GGT6: variants seen among roughly 807,000 people sequenced by gnomAD.
The protein encoded by GGT6 is gamma-glutamyltransferase 6, also known as glutathione hydrolase 6.
Under a neutral mutation model 17.0 loss-of-function variants are expected in GGT6, and 13 were observed. The ratio of observed to expected loss-of-function variants is 0.77; its 90% CI spans 0.50 to 1.22. The LOEUF (loss-of-function observed/expected upper bound fraction) is 1.22. Ranked by LOEUF, GGT6 falls within the 50% of genes most tolerant of loss-of-function variation. GGT6 has a pLI of 0.00. For missense variants in GGT6, 628 were observed against 643.7 expected (o/e 0.98, Z 0.26); for synonymous variants, 305 against 297.9 (o/e 1.02, Z -0.25).
At chr17:4,559,244 A>T in intron 3 of GGT6, 99 bp downstream of exon 3, 1 of 1,196,510 alleles carries the variant, frequency 8.4e-7, no homozygotes, top group Non-Finnish European at 1.2e-6. Context: ...AGTCCTGCTC[A>T]CTTAGCAGTC....
Position 4,559,344 on chromosome 17 carries a change from T to C in GGT6, c.456A>G (p.Leu152=). 6.5e-7 allele frequency: 1 copy of C among 1,550,358 alleles called. No homozygotes were observed. The highest frequency in any genetic ancestry group is 8.7e-7 in the Non-Finnish European group (1 of 1,145,770). ...AGTCTGGGGTCAGGGGTCACTGACC[T>C]AGCCCCGTGGCATGAGGATGCACCA... ...LAVVHPHATG[L]GAMFWGLFHD... is the part of the protein sequence containing the mutation. The change falls in exon 3 of 4, where the codon CTA becomes CTG. Residue 152 remains leucine (L), a splice_region_variant and synonymous_variant. Coordinates refer to ENST00000381550, the MANE Select transcript of GGT6 (RefSeq NM_001288702.2).
rs554077405 is a variant in GGT6 at position 4,559,350 on chromosome 17, C to T, written c.450G>A (p.Thr150=). 95 of 1,551,054 alleles carry T rather than the reference C, an allele frequency of 6.1e-5. No individual in the cohort carries two copies. The highest frequency in any genetic ancestry group is 5.0e-4 in the Middle Eastern group (3 of 5,990). ...GGGTCAGGGGTCACTGACCTAGCCCCGTGGCATGAGGATGCACCACTGCCA... is the reference window on the plus strand; with the variant it reads ...GGGTCAGGGGTCACTGACCTAGCCCTGTGGCATGAGGATGCACCACTGCCA... ...LCLAVVHPHA[T]GLGAMFWGLF... is the part of the protein sequence containing the mutation. The change falls in exon 3 of 4, where the codon ACG becomes ACA. Residue 150 remains threonine (T), a synonymous_variant. Transcript: ENST00000381550.
rs1279261459 is a variant in GGT6, at chr17:4,559,727, G to T, written c.174C>A (p.Ala58=). The T allele has an allele frequency of 6.2e-7, 1 of 1,612,346 alleles. No homozygotes were observed. The stretch of plus-strand genomic sequence containing the variant: ...GCAGCAGCAGGGCTGCCACTACACG[G>T]GCCCAGGTTCCGGGCAGCCCGCCAG... The part of the protein sequence containing the change: ...NKAGGLPGTW[A]RVVAALLLLA... The change falls in exon 2 of 4, where the codon GCC becomes GCA. Residue 58 remains alanine, a synonymous_variant. Coordinates refer to ENST00000381550, the MANE Select transcript of GGT6 (RefSeq NM_001288702.2).
rs774986374 is a variant in GGT6, at chr17:4,559,612, C to T, written c.289G>A (p.Gly97Arg). The T allele has an allele frequency of 1.7e-5, 28 of 1,613,688 alleles. 1 individual carries two copies. Among genetic ancestry groups the T allele is most frequent in the African/African-American group, 1.6e-4 (12 of 74,922 alleles). The change falls in exon 2 of 4, where the codon GGA (glycine) becomes AGA (arginine). Residue 97 changes from glycine (G) to arginine (R), a missense_variant. Gly to Arg is a moderately radical substitution (Grantham distance 125, BLOSUM62 -2). Transcript: ENST00000381550. ...TATACGCCAGGGCCGTGGGAGTGTC[C>T]GCCGGGTGGAGGGGCCACAGAGCCC... ...SLGSVAPPPG[G>R]HSHGPGVYHH...
downstream of GGT6, among the ~76,000 whole-genome samples, chr17:4,556,509 A>G (rs1036788300): frequency 6.6e-6 from 1 of 152,170 alleles, no homozygotes; most frequent in Non-Finnish European, 1.5e-5. Flanking sequence ...GCCTTTTACA[A>G]TGGCAGGGGA....
Position 4,559,447 on chromosome 17 carries a change from G to A in GGT6, c.353C>T (p.Ser118Phe). 5.1e-6 allele frequency: 8 copies of A among 1,553,478 alleles called. No homozygotes were observed. Among genetic ancestry groups the A allele is most frequent in the Non-Finnish European group, 6.1e-6 (7 of 1,147,954 alleles). ...AACAAGCAGCTCTCGGCCTAGGTGG[G>A]AGCATGTGGCTGCAGCAAGGAAGGC... is the stretch of plus-strand genomic sequence containing the variant. ...GAIISPAATC[S>F]HLGRELLVAG... is the part of the protein sequence containing the mutation. The change falls in exon 3 of 4, where the codon TCC becomes TTC. Residue 118 changes from serine to phenylalanine, a missense_variant. By Grantham distance (155) the Ser-to-Phe change is radical (BLOSUM62 -2). Transcript: ENST00000381550.
chr17:4,558,852 C>T lies in GGT6; in HGVS notation c.663G>A (p.Val221=), dbSNP rs1908391071. 5 of 1,546,920 alleles carry T rather than the reference C, an allele frequency of 3.2e-6. No homozygotes were observed. The East Asian group carries it at 7.3e-5, about 23-fold the overall frequency. ...PTTLAQEGFL[V]DTPLARALVA... ...CCAGAGCCCTTGCCAGGGGTGTGTC[C>T]ACCAGGAAGCCCTCCTGAGCCAGCG... is the stretch of plus-strand genomic sequence containing the variant. The change falls in exon 4 of 4, where the codon GTG becomes GTA. Residue 221 remains valine (V), a synonymous_variant. Transcript: ENST00000381550.
chr17:4,559,577 AC>A lies in GGT6; in HGVS notation c.323del (p.Gly108ValfsTer13). On this transcript the variant is annotated frameshift_variant, in exon 2 of 4. Coordinates refer to ENST00000381550, the MANE Select transcript of GGT6 (RefSeq NM_001288702.2). LOFTEE classifies it high-confidence loss of function. ...HSHGPGVYHH[G>X]AIISPAATCS... ...ACTGACCTGCAGGGCTGATGATGGC[AC>A]CGTGGTGGTATACGCCAGGGCCGTG... is the stretch of plus-strand genomic sequence containing the variant. 6.2e-7 allele frequency: 1 copy of A among 1,613,704 alleles called. No individual in the cohort carries two copies.
downstream of GGT6, chr17:4,556,797 G>A (rs1908177415): frequency 6.6e-6 from 1 of 152,254 alleles, no homozygotes; most frequent in Non-Finnish European, 1.5e-5. Context: ...GGAGCAGGGG[G>A]AAGCTGAAAG....
At chr17:4,560,260 C>A in intron 1 of GGT6, 122 bp downstream of exon 1, 1 of 1,089,886 alleles carries the variant, frequency 9.2e-7, no homozygotes, top group Non-Finnish European at 1.3e-6. Context: ...CCAAATTGAC[C>A]GTACAGTGCC....
Position 4,559,718 on chromosome 17 carries a change from C to A in GGT6, c.183G>T (p.Val61=). 1 of 1,612,386 alleles carries A rather than the reference C, an allele frequency of 6.2e-7. No individual in the cohort carries two copies. The highest frequency in any genetic ancestry group is 1.1e-5 in the South Asian group (1 of 91,066). The change falls in exon 2 of 4, where the codon GTG becomes GTT. Residue 61 remains valine, a synonymous_variant. Coordinates refer to ENST00000381550, the MANE Select transcript of GGT6 (RefSeq NM_001288702.2). ...GGLPGTWARV[V]AALLLLAVGC... ...CAACAGCCAGCAGCAGCAGGGCTGC[C>A]ACTACACGGGCCCAGGTTCCGGGCA...
chr17:4,559,845 A>G lies in GGT6; in HGVS notation c.141-85T>C. 2.3e-6 allele frequency: 3 copies of G among 1,325,652 alleles called. No individual in the cohort carries two copies. The Admixed American group carries it at 5.9e-5, about 26-fold the overall frequency. 82.1% of individuals were successfully genotyped at this position (1,325,652 alleles called of 1,614,324 possible). A position where few individuals can be genotyped will look rare whatever the true frequency, so the allele number is the denominator to read the frequency against. The stretch of plus-strand genomic sequence containing the variant: ...GAGACCCCAGGGAATATTTCCCAAA[A>G]GGTTTGATTTAGCAAGAGGAGCACA... On this transcript the variant is annotated intron_variant, in intron 1 of 3. Coordinates refer to ENST00000381550, the MANE Select transcript of GGT6 (RefSeq NM_001288702.2).
Position 4,559,042 on chromosome 17 carries a change from C to A in GGT6, c.473G>T (p.Gly158Val), listed in dbSNP as rs1253845821. 1 of 1,541,156 alleles carries A rather than the reference C, an allele frequency of 6.5e-7. No individual in the cohort carries two copies. Among genetic ancestry groups the A allele is most frequent in the African/African-American group, 1.4e-5 (1 of 73,106 alleles). ...HATGLGAMFWGLFHDSSSGNS... is the reference protein window; with the variant it reads ...HATGLGAMFWVLFHDSSSGNS... The stretch of plus-strand genomic sequence containing the variant: ...GCCTGAGGAGCTATCGTGGAAGAGG[C>A]CCCAAAACATGGCACCTGCAGGAGA... The change falls in exon 4 of 4, where the codon GGC (glycine) becomes GTC (valine). Residue 158 changes from glycine to valine, a missense_variant. By Grantham distance (109) the Gly-to-Val change is moderately radical. Transcript: ENST00000381550.
At chr17:4,560,195 G>A (rs1243203516) in intron 1 of GGT6, among the ~76,000 whole-genome samples, 187 bp downstream of exon 1, 2 of 152,232 alleles carry the variant, frequency 1.3e-5, no homozygotes, top group Non-Finnish European at 2.9e-5. Context: ...CCCTCCAGAT[G>A]CACAGACTTT....
In GGT6 at chr17:4,559,767, AG is replaced by A. The variant is rs760937160; in HGVS notation, c.141-8del. 3.5e-5 allele frequency: 56 copies of A among 1,609,572 alleles called. No individual in the cohort carries two copies. Among genetic ancestry groups the A allele is most frequent in the Non-Finnish European group, 4.3e-5 (51 of 1,179,306 alleles). On this transcript the variant is annotated splice_polypyrimidine_tract_variant and splice_region_variant and intron_variant, in intron 1 of 3. Coordinates refer to ENST00000381550, the MANE Select transcript of GGT6 (RefSeq NM_001288702.2). ...CAGCCCGCCAGCCTTGTTCCTGCAG[AG>A]GGGGGGTGTCCTGAGCCACGGCTGG...
chr17:4,558,338 T>C lies in GGT6; in HGVS notation c.1177A>G (p.Ser393Gly). 1 of 1,609,946 alleles carries C rather than the reference T, an allele frequency of 6.2e-7. No individual in the cohort carries two copies. The change falls in exon 4 of 4, where the codon AGC becomes GGC. Residue 393 changes from serine (S) to glycine (G), a missense_variant. Ser to Gly is a moderately conservative substitution (Grantham distance 56). Coordinates refer to ENST00000381550, the MANE Select transcript of GGT6 (RefSeq NM_001288702.2). ...HLSPSTGVLL[S>G]NLVAKSTTSA... Reference sequence around the variant, plus strand: ...GTGGTAGACTTGGCCACCAGGTTGCTGAGCAGAACCCCAGTGCTTGGGGAC... The same window carrying C: ...GTGGTAGACTTGGCCACCAGGTTGCCGAGCAGAACCCCAGTGCTTGGGGAC...
intron 1 of GGT6, 65 bp from the exon 2 acceptor site, chr17:4,559,825 C>T: frequency 1.4e-6 from 2 of 1,449,876 alleles, no homozygotes; most frequent in Non-Finnish European, 1.9e-6. Flanking sequence ...CCCAAGAGAC[C>T]CCAGGGAATA....
Position 4,557,979 on chromosome 17 carries a change from A to T in GGT6, c.*36T>A, listed in dbSNP as rs1456098415. ...CTCTGCTCCTGCCCCCATGCTTCAG[A>T]TAACTCTGCCTTCTGCCAGACCCAC... On this transcript the variant is annotated 3_prime_UTR_variant, in exon 4 of 4. Coordinates refer to ENST00000381550, the MANE Select transcript of GGT6 (RefSeq NM_001288702.2). 5.1e-6 allele frequency: 7 copies of T among 1,377,134 alleles called. No homozygotes were observed. Among genetic ancestry groups the T allele is most frequent in the Non-Finnish European group, 6.9e-6 (7 of 1,021,142 alleles). 85.3% of individuals were successfully genotyped at this position (1,377,134 alleles called of 1,614,324 possible). A position where few individuals can be genotyped will look rare whatever the true frequency, so the allele number is the denominator to read the frequency against.
rs765700357 is a variant in GGT6 at position 4,557,969 on chromosome 17, C to T, written c.*46G>A. 9 of 1,284,056 alleles carry T rather than the reference C, an allele frequency of 7.0e-6. No individual in the cohort carries two copies. The highest frequency in any genetic ancestry group is 9.6e-6 in the Non-Finnish European group (9 of 941,138). The allele number at this position is 1,284,056 out of a possible 1,614,324, so 79.5% of individuals were successfully genotyped here. On this transcript the variant is annotated 3_prime_UTR_variant, in exon 4 of 4. Transcript: ENST00000381550. ...GCTGTGTCTGCTCTGCTCCTGCCCC[C>T]ATGCTTCAGATAACTCTGCCTTCTG...
Sources: allele counts gnomAD v4.1 joint callset (sites outside exome capture counted in the v4.1 genomes callset), GRCh38; gene constraint gnomAD v4.1.1; transcripts MANE v1.5; gene names NCBI Gene and HGNC (gene_info 2026-07-23, HGNC 2026-07-21).